The following AGO2 variants were observed in gnomAD, a reference collection of about 807,000 sequenced individuals.
AGO2 encodes the protein protein argonaute-2.
In AGO2, 5 loss-of-function variants were observed where a neutral mutation model predicts 102.3. The observed-to-expected ratio is 0.05, with a 90% CI of 0.03 to 0.10. The LOEUF (loss-of-function observed/expected upper bound fraction) is 0.10, where lower values mean the gene tolerates loss of function less well. AGO2 is among the 10% of genes least tolerant of loss of function. The pLI, the probability that AGO2 is intolerant of heterozygous loss-of-function variation, is 1.00. For missense variants in AGO2, 541 were observed against 1,183.7 expected, an observed-to-expected ratio of 0.46 and a Z score of 7.97; for synonymous variants, 449 against 473.1, an observed-to-expected ratio of 0.95 and a Z score of 0.66.
At chr8:140,635,376 CGA>C in intron 1 of AGO2, 107 bp downstream of exon 1, 9 of 775,058 alleles carry the variant, frequency 1.2e-5, no homozygotes, top group Non-Finnish European at 1.4e-5. Flanking sequence ...CCCGCCGCCC[CGA>C]CCCCGCGGCC....
rs188035688 is a variant in AGO2, at chr8:140,528,020, G to A, written c.*4024C>T. 3 of 152,368 alleles carry A rather than the reference G, an allele frequency of 2.0e-5. No individual in the cohort carries two copies. Among genetic ancestry groups the A allele is most frequent in the East Asian group, 1.9e-4 (1 of 5,188 alleles). 9.4% of individuals were successfully genotyped at this position (152,368 alleles called of 1,614,324 possible). A position where few individuals can be genotyped will look rare whatever the true frequency, so the allele number is the denominator to read the frequency against. On this transcript the variant is annotated 3_prime_UTR_variant, in exon 19 of 19. Transcript: ENST00000220592. This position sits in a 1 kb window ranked among gnomAD's most constrained non-coding sequence, Gnocchi z 4.5. ...CACTCCGGTGTCCCGGCTGCCTGAC[G>A]TGTGGCCGGTCTATCCTAGCGTATT...
At chr8:140,595,656 C>CTATA (rs1362125503) in intron 1 of AGO2, among the ~76,000 whole-genome samples, 1 of 124,514 alleles carries the variant, frequency 8.0e-6, no homozygotes, top group Non-Finnish European at 1.6e-5. Flanking sequence ...ATATGCCAGG[C>CTATA]TATATATATT....
At chr8:140,591,675 C>G (rs2073749213) in intron 1 of AGO2, 1 of 152,202 alleles carries the variant, frequency 6.6e-6, no homozygotes, top group African/African-American at 2.4e-5. Context: ...AAACTGCAAC[C>G]ACCATTATCT....
rs767688011 is a variant in AGO2, at chr8:140,549,335, G to C, written c.1404-37C>G. 11 of 1,542,738 alleles carry C rather than the reference G, an allele frequency of 7.1e-6. No homozygotes were observed. The Admixed American group carries it at 1.9e-4, about 27-fold the overall frequency. On this transcript the variant is annotated intron_variant, in intron 11 of 18. Transcript: ENST00000220592. ...GGCTCCGTTCACTACCGGGCACTGGGAATGGCAGAGAACTCAGGCCGACCA... is the reference window on the plus strand; with the variant it reads ...GGCTCCGTTCACTACCGGGCACTGGCAATGGCAGAGAACTCAGGCCGACCA...
chr8:140,600,168 G>A (rs974216273), intron 1 of AGO2, among the ~76,000 whole-genome samples: 12 of 152,258 alleles, frequency 7.9e-5, no homozygotes, highest in African/African-American at 7.2e-5. Flanking sequence ...TCCTATGTGT[G>A]AGCAACGATT....
rs559356764 is a variant in AGO2, at chr8:140,551,422, C to T, written c.1284G>A (p.Ala428=). Residue 428 remains alanine, a synonymous_variant, in exon 11 of 19, where the codon GCG becomes GCA. Transcript: ENST00000220592. ...TGTCCCAGACGCCCTGGACAGGGGT[C>T]GCAATAGCTTTATTCTGCAAATGGC... ...ILYGGRNKAI[A]TPVQGVWDMR... The T allele has an allele frequency of 5.7e-6, 9 of 1,572,604 alleles. No individual in the cohort carries two copies. The highest frequency in any genetic ancestry group is 3.5e-5 in the Admixed American group (2 of 56,526).
chr8:140,585,109 A>G lies in AGO2; in HGVS notation c.215+10T>C. 1.2e-6 allele frequency: 2 copies of G among 1,612,378 alleles called. No individual in the cohort carries two copies. The highest frequency in any genetic ancestry group is 1.7e-6 in the Non-Finnish European group (2 of 1,178,620). On this transcript the variant is annotated intron_variant, in intron 2 of 18. Coordinates refer to ENST00000220592, the MANE Select transcript of AGO2 (RefSeq NM_012154.5). Reference sequence around the variant, plus strand: ...CACTTACACAGGTCATGAAGGATGAAACGTAATACCTGTTAACTCTCCTCG... The same window carrying G: ...CACTTACACAGGTCATGAAGGATGAGACGTAATACCTGTTAACTCTCCTCG...
At chr8:140,576,808 C>A (rs1487133499) in intron 2 of AGO2, among the ~76,000 whole-genome samples, 1 of 152,180 alleles carries the variant, frequency 6.6e-6, no homozygotes, top group African/African-American at 2.4e-5. Context: ...GGAAACAATT[C>A]AAATCAATGT....
chr8:140,558,335 T>C, intron 7 of AGO2, 150 bp downstream of exon 7: 1 of 784,544 alleles, frequency 1.3e-6, no homozygotes, highest in South Asian at 1.7e-5. Context: ...TGGAATCTAC[T>C]GAGCCATGTA....
chr8:140,621,353 T>C (rs1443786221), intron 1 of AGO2, among the ~76,000 whole-genome samples: 6 of 152,162 alleles, frequency 3.9e-5, no homozygotes, highest in African/African-American at 1.4e-4. Flanking sequence ...ACACCTGCCA[T>C]TTTCCATGGA....
intron 10 of AGO2, among the ~76,000 whole-genome samples, chr8:140,552,181 G>T (rs547408788): frequency 1.2e-4 from 18 of 152,340 alleles, no homozygotes; most frequent in Middle Eastern, 6.8e-3. Context: ...ATGTGGGAAG[G>T]GGAGATCAGA....
In AGO2 at chr8:140,635,515, C is replaced by A; in HGVS notation, c.-9G>T. Reference sequence around the variant, plus strand: ...CCGGCTCCCGAGTACATGGTGGCGCCGCCGAGGGGCTCCGGGGCCGAGGGG... The same window carrying A: ...CCGGCTCCCGAGTACATGGTGGCGCAGCCGAGGGGCTCCGGGGCCGAGGGG... On this transcript the variant is annotated 5_prime_UTR_variant, in exon 1 of 19. Transcript: ENST00000220592. 1 of 980,180 alleles carries A rather than the reference C, an allele frequency of 1.0e-6. No individual in the cohort carries two copies. Among genetic ancestry groups the A allele is most frequent in the South Asian group, 4.5e-5 (1 of 22,038 alleles). The allele number at this position is 980,180 out of a possible 1,614,324, so 60.7% of individuals were successfully genotyped here.
At chr8:140,546,596 G>A (rs949466815) in intron 13 of AGO2, among the ~76,000 whole-genome samples, 35 of 152,364 alleles carry the variant, frequency 2.3e-4, no homozygotes, top group African/African-American at 8.2e-4. Context: ...CAGATTTAGC[G>A]CACTGCCTGG....
chr8:140,610,994 C>T (rs768904185), intron 1 of AGO2, among the ~76,000 whole-genome samples: 2 of 152,202 alleles, frequency 1.3e-5, no homozygotes, highest in Non-Finnish European at 2.9e-5. Flanking sequence ...ATTAAGTAGA[C>T]ACGCGCGCAT....
chr8:140,608,620 C>T (rs994366237), intron 1 of AGO2, among the ~76,000 whole-genome samples: 4 of 152,130 alleles, frequency 2.6e-5, no homozygotes, highest in Non-Finnish European at 2.9e-5. Context: ...CTGGCAGCAC[C>T]GCATGCCACC....
chr8:140,571,327 T>C (rs1489950972), intron 3 of AGO2, among the ~76,000 whole-genome samples: 2 of 152,242 alleles, frequency 1.3e-5, no homozygotes, highest in African/African-American at 2.4e-5. Context: ...CTGCTGACCA[T>C]CCAGAAAGGC....
At chr8:140,571,239 C>T (rs970336305) in intron 3 of AGO2, among the ~76,000 whole-genome samples, 19 of 152,200 alleles carry the variant, frequency 1.2e-4, no homozygotes, top group Admixed American at 9.8e-4. Flanking sequence ...TCGGTCTCTG[C>T]TCAGTCACAG....
intron 6 of AGO2, 109 bp from the exon 7 acceptor site, chr8:140,558,681 G>T: frequency 8.1e-7 from 1 of 1,236,068 alleles, no homozygotes; most frequent in Non-Finnish European, 1.2e-6. Flanking sequence ...CCCAAGTTAT[G>T]GGGGGCTGCA....
intron 1 of AGO2, among the ~76,000 whole-genome samples, chr8:140,600,409 G>A (rs566298143): frequency 3.4e-4 from 52 of 152,296 alleles, no homozygotes; most frequent in African/African-American, 1.2e-3. Flanking sequence ...GGCCGGGCGC[G>A]GTGGCTCACG....
Sources: allele counts gnomAD v4.1 joint callset (sites outside exome capture counted in the v4.1 genomes callset), GRCh38; gene constraint gnomAD v4.1.1; non-coding constraint Gnocchi (gnomAD v3.1); transcripts MANE v1.5; gene names NCBI Gene and HGNC (gene_info 2026-07-23, HGNC 2026-07-21).